The following KIAA2012 variants were observed in gnomAD, a reference collection of about 807,000 sequenced individuals.
The protein encoded by KIAA2012 is uncharacterized protein KIAA2012.
KIAA2012 carries 125 observed loss-of-function variants against 150.6 expected under a neutral mutation model. That is an observed-to-expected ratio of 0.83 (90% confidence interval 0.72 to 0.96). The LOEUF (loss-of-function observed/expected upper bound fraction) is 0.96, where lower values mean the gene tolerates loss of function less well. Ranked by LOEUF, KIAA2012 falls within the 40% of genes least tolerant of loss-of-function variation. KIAA2012 has a pLI of 0.00. For synonymous variants in KIAA2012, 462 were observed against 504.7 expected, an observed-to-expected ratio of 0.92 and a Z score of 1.13; for missense variants, 1,219 against 1,354.9, an observed-to-expected ratio of 0.90 and a Z score of 1.57.
chr2:202,081,048 G>A (rs192649531), intron 2 of KIAA2012, among the ~76,000 whole-genome samples: 1 of 152,164 alleles, frequency 6.6e-6, no homozygotes, highest in Non-Finnish European at 1.5e-5. Flanking sequence ...CTGTCTCTGT[G>A]AATTTGACTA....
intron 15 of KIAA2012, among the ~76,000 whole-genome samples, chr2:202,167,843 C>CT (rs1392765493): frequency 6.6e-6 from 1 of 151,638 alleles, no homozygotes; most frequent in African/African-American, 2.4e-5. Context: ...GACCCTGTCT[C>CT]TAAGAAAATA....
intron 12 of KIAA2012, among the ~76,000 whole-genome samples, chr2:202,135,378 G>A (rs1468561043): frequency 6.6e-6 from 1 of 152,258 alleles, no homozygotes; most frequent in Non-Finnish European, 1.5e-5. Context: ...TTTGCAGCCA[G>A]TTACCTGGGT....
intron 13 of KIAA2012, among the ~76,000 whole-genome samples, chr2:202,141,232 C>T (rs1024875284): frequency 7.2e-5 from 11 of 152,104 alleles, no homozygotes; most frequent in African/African-American, 2.4e-4. Flanking sequence ...CTCCAGCACA[C>T]GATGATGGCA....
chr2:202,118,811 C>T (rs1690588370), intron 11 of KIAA2012, among the ~76,000 whole-genome samples: 1 of 152,208 alleles, frequency 6.6e-6, no homozygotes, highest in Admixed American at 6.5e-5. Context: ...TAAGGCCTCA[C>T]AGCCCACTCT....
intron 2 of KIAA2012, among the ~76,000 whole-genome samples, chr2:202,082,166 G>A (rs987226663): frequency 6.6e-6 from 1 of 152,010 alleles, no homozygotes; most frequent in African/African-American, 2.4e-5. Context: ...TTTTAAGTGG[G>A]TTGTTTGGTT....
intron 9 of KIAA2012, among the ~76,000 whole-genome samples, chr2:202,106,703 A>AAT (rs1553553279): frequency 1.5e-4 from 22 of 151,516 alleles, no homozygotes; most frequent in African/African-American, 2.9e-4. Flanking sequence ...AAAAAAAAAA[A>AAT]TTTTTTTTAA....
At chr2:202,113,108 C>A (rs1263310833) in intron 10 of KIAA2012, among the ~76,000 whole-genome samples, 3 of 152,170 alleles carry the variant, frequency 2.0e-5, no homozygotes, top group East Asian at 1.9e-4. Context: ...CAAGTGGTAG[C>A]CCCTCCCTGT....
intron 23 of KIAA2012, among the ~76,000 whole-genome samples, chr2:202,204,049 G>C (rs896969216): frequency 6.6e-6 from 1 of 150,834 alleles, no homozygotes. Context: ...GATTACAGGC[G>C]TGAGCCACCG....
At chr2:202,156,780 G>A (rs1203912879) in intron 14 of KIAA2012, among the ~76,000 whole-genome samples, 1 of 152,132 alleles carries the variant, frequency 6.6e-6, no homozygotes, top group Non-Finnish European at 1.5e-5. Flanking sequence ...AGCTACTCGG[G>A]AGGCTGAGGC....
chr2:202,203,848 C>A (rs1237067205), intron 23 of KIAA2012, among the ~76,000 whole-genome samples: 1 of 151,616 alleles, frequency 6.6e-6, no homozygotes, highest in East Asian at 1.9e-4. Flanking sequence ...CGGCTCACTG[C>A]AAGCTTCGCC....
At chr2:202,076,777 G>T (rs759679225) in intron 2 of KIAA2012, among the ~76,000 whole-genome samples, 1 of 152,102 alleles carries the variant, frequency 6.6e-6, no homozygotes, top group Non-Finnish European at 1.5e-5. Context: ...TTGTGGACTC[G>T]AAGGGACTCC....
intron 7 of KIAA2012, 107 bp from the exon 8 acceptor site, chr2:202,102,839 A>G: frequency 9.0e-7 from 1 of 1,110,264 alleles, no homozygotes; most frequent in South Asian, 1.7e-5. Context: ...TACCTCTCTC[A>G]GCAGCTCCTG....
rs186655962 is a variant in KIAA2012, at chr2:202,145,601, G to A, written c.1908+7093G>A. 1.1e-4 allele frequency among the ~76,000 whole-genome samples: 16 copies of A among 148,244 alleles called. No individual in the cohort carries two copies. The East Asian group carries it at 1.8e-3, about 17-fold the overall frequency. On this transcript the variant is annotated intron_variant, in intron 13 of 23. Transcript: ENST00000498697. ...GTATTATGAAAAATTTCAAAGATAT[G>A]TAAAAGGATAGTATGATGAACCTCC... is the stretch of plus-strand genomic sequence containing the variant.
chr2:202,095,924 A>T (rs1689860753), intron 4 of KIAA2012, among the ~76,000 whole-genome samples: 1 of 152,172 alleles, frequency 6.6e-6, no homozygotes, highest in Non-Finnish European at 1.5e-5. Flanking sequence ...TCTCTACTAA[A>T]GATACAAAAA....
intron 13 of KIAA2012, among the ~76,000 whole-genome samples, chr2:202,151,359 T>C (rs1691423862): frequency 6.6e-6 from 1 of 152,064 alleles, no homozygotes; most frequent in Admixed American, 6.6e-5. Flanking sequence ...ATTGCGCCAC[T>C]GCACTCCAGC....
Position 202,105,862 on chromosome 2 carries a change from A to G in KIAA2012, c.1426A>G (p.Thr476Ala). ...HASLETPWEL[T>A]VHLPVDASRD... ...GTCCTTAGAAACACCATGGGAGTTA[A>G]CAGTGCATCTCCCAGTGGACGCGAG... The change falls in exon 9 of 24, where the codon ACA (threonine) becomes GCA (alanine). Residue 476 changes from threonine (T) to alanine (A), a missense_variant. Thr to Ala is a moderately conservative substitution (Grantham distance 58). Coordinates refer to ENST00000498697, the MANE Select transcript of KIAA2012 (RefSeq NM_001277372.4). The G allele has an allele frequency of 6.4e-7, 1 of 1,550,860 alleles. No homozygotes were observed.
At chr2:202,171,443 G>A (rs1691890650) in intron 15 of KIAA2012, among the ~76,000 whole-genome samples, 1 of 152,006 alleles carries the variant, frequency 6.6e-6, no homozygotes, top group South Asian at 2.1e-4. Context: ...TCCCCGCGGC[G>A]TCGGAGAGGC....
At chr2:202,099,114 A>G (rs1403887235) in intron 5 of KIAA2012, among the ~76,000 whole-genome samples, 1 of 152,072 alleles carries the variant, frequency 6.6e-6, no homozygotes, top group Non-Finnish European at 1.5e-5. Flanking sequence ...CAGCCCCCTG[A>G]GTAGCTGGGA....
chr2:202,154,837 G>T (rs2105711543), intron 14 of KIAA2012, 27 bp downstream of exon 14: 1 of 1,532,030 alleles, frequency 6.5e-7, no homozygotes, highest in Non-Finnish European at 8.8e-7. Context: ...AAGACGAGGG[G>T]TTTTATAGAC....
Sources: gnomAD v4.1 joint callset for allele counts (sites outside exome capture counted in the v4.1 genomes callset) on GRCh38, gnomAD v4.1.1 for gene constraint, MANE v1.5 for transcripts, NCBI Gene and HGNC (gene_info 2026-07-23, HGNC 2026-07-21) for gene names.